Variants in ADGRF5 observed in about 807,000 individuals in gnomAD.
ADGRF5 encodes the protein adhesion G protein-coupled receptor F5, also known as G-protein coupled receptor 116.
A neutral mutation model predicts 132.3 loss-of-function variants in ADGRF5; 75 were observed. The ratio of observed to expected loss-of-function variants is 0.57; its 90% CI spans 0.47 to 0.69. ADGRF5 has a LOEUF of 0.69. Ranked by LOEUF, ADGRF5 falls within the 30% of genes least tolerant of loss-of-function variation. The probability of loss-of-function intolerance (pLI) is 0.00; values close to 1 mark genes in which losing one functional copy is unlikely to be tolerated. For missense variants in ADGRF5, 1,516 were observed against 1,630.6 expected, an observed-to-expected ratio of 0.93 and a Z score of 1.21; for synonymous variants, 629 against 597.6, an observed-to-expected ratio of 1.05 and a Z score of -0.77.
upstream of ADGRF5, among the ~76,000 whole-genome samples, chr6:46,922,776 G>A (rs547370904): frequency 5.9e-5 from 9 of 152,278 alleles, no homozygotes; most frequent in South Asian, 2.1e-4. Flanking sequence ...TAAGTGCTTC[G>A]GGTGAGTCCC....
intron 10 of ADGRF5, among the ~76,000 whole-genome samples, chr6:46,877,966 TC>T (rs1272749007): frequency 2.0e-5 from 3 of 152,192 alleles, no homozygotes; most frequent in Non-Finnish European, 2.9e-5. Flanking sequence ...TCTTGGGTCT[TC>T]TGCTGCTGGG....
At chr6:46,933,588 T>C (rs1243968442) in intron 1 of ADGRF5, among the ~76,000 whole-genome samples, 2 of 152,218 alleles carry the variant, frequency 1.3e-5, no homozygotes, top group Admixed American at 6.5e-5. Flanking sequence ...CTTTCTAGCC[T>C]GAGCTTTCTA....
chr6:46,885,531 C>T (rs1438764744), intron 4 of ADGRF5, among the ~76,000 whole-genome samples: 2 of 152,136 alleles, frequency 1.3e-5, no homozygotes, highest in Non-Finnish European at 2.9e-5. Context: ...TGATGGAAGC[C>T]CCAGTGAGGA....
At chr6:46,887,571 T>A (rs538278949) in intron 4 of ADGRF5, among the ~76,000 whole-genome samples, 1 of 152,220 alleles carries the variant, frequency 6.6e-6, no homozygotes, top group East Asian at 1.9e-4. Context: ...TTAAAATGCA[T>A]GTACCGACAT....
intron 14 of ADGRF5, 130 bp downstream of exon 14, chr6:46,864,912 T>C (rs1190648548): frequency 3.2e-6 from 2 of 633,850 alleles, no homozygotes; most frequent in Non-Finnish European, 5.5e-6. Context: ...ACCACTATGG[T>C]GAGCCCAGGG....
intron 15 of ADGRF5, 27 bp downstream of exon 15, chr6:46,862,861 G>A (rs1769948937): frequency 6.7e-7 from 1 of 1,483,156 alleles, no homozygotes; most frequent in Admixed American, 1.7e-5. Context: ...CCCACCAAGA[G>A]CTCAGAGTGG....
chr6:46,881,888 A>G (rs892391037), intron 7 of ADGRF5, among the ~76,000 whole-genome samples, 161 bp downstream of exon 7: 1 of 152,110 alleles, frequency 6.6e-6, no homozygotes, highest in Admixed American at 6.5e-5. Context: ...CTTTCTTTTA[A>G]ACAGGTACAT....
At chr6:46,941,511 A>G (rs924125124) in intron 1 of ADGRF5, among the ~76,000 whole-genome samples, 10 of 152,064 alleles carry the variant, frequency 6.6e-5, no homozygotes, top group Non-Finnish European at 4.4e-5. Context: ...AGGCAGGCAA[A>G]TTCTAGAGCC....
At position 46,881,480 on chromosome 6, in the gene ADGRF5, G is replaced by T. The variant is rs1772458023; in HGVS notation, c.789C>A (p.Tyr263Ter). 2 of 1,613,212 alleles carry T rather than the reference G, an allele frequency of 1.2e-6. No homozygotes were observed. Among genetic ancestry groups the T allele is most frequent in the Non-Finnish European group, 1.7e-6 (2 of 1,179,300 alleles). The change falls in exon 8 of 21, where the codon TAC becomes TAA. Residue 263 changes from tyrosine to a stop codon, truncating the protein, a stop_gained. Coordinates refer to ENST00000283296, the MANE Select transcript of ADGRF5 (RefSeq NM_001098518.2). LOFTEE classifies it high-confidence loss of function. ...TGATAGTAACTGCTTGAAAGGAGTTGTAGTCCATTTTGTAGGTCTGATTGA... is the reference window on the plus strand; with the variant it reads ...TGATAGTAACTGCTTGAAAGGAGTTTTAGTCCATTTTGTAGGTCTGATTGA... Reference protein sequence around the residue: ...QSLNQTYKMDYNSFQAVTINE... With the variant: ...QSLNQTYKMD
chr6:46,888,225 G>A (rs1287722798), intron 4 of ADGRF5, 110 bp downstream of exon 4: 3 of 741,692 alleles, frequency 4.0e-6, no homozygotes, highest in Non-Finnish European at 6.9e-6. Flanking sequence ...GTCTCGGTGA[G>A]TCATTTCACT....
intron 9 of ADGRF5, among the ~76,000 whole-genome samples, chr6:46,878,737 T>C (rs1251095328): frequency 1.3e-5 from 2 of 152,204 alleles, no homozygotes; most frequent in East Asian, 3.8e-4. Context: ...AATATTGCCG[T>C]AGTATTTAAC....
At chr6:46,891,633 G>T (rs1273153769) in intron 3 of ADGRF5, among the ~76,000 whole-genome samples, 1 of 152,170 alleles carries the variant, frequency 6.6e-6, no homozygotes, top group Non-Finnish European at 1.5e-5. Context: ...AAATATCAAT[G>T]CCTGCCTGAG....
At chr6:46,917,031 C>T (rs1776477232) in intron 1 of ADGRF5, among the ~76,000 whole-genome samples, 2 of 152,236 alleles carry the variant, frequency 1.3e-5, no homozygotes, top group Admixed American at 6.5e-5. Context: ...TTGGTAACAA[C>T]AATTACTATA....
chr6:46,910,836 G>C (rs1381986849), intron 1 of ADGRF5, among the ~76,000 whole-genome samples: 1 of 152,118 alleles, frequency 6.6e-6, no homozygotes, highest in African/African-American at 2.4e-5. Flanking sequence ...TTATCTCTCT[G>C]AGCCTGTTTT....
In ADGRF5 at chr6:46,884,310, G is replaced by A. The variant is rs1402675964; in HGVS notation, c.329-39C>T. 2.6e-6 allele frequency: 4 copies of A among 1,529,094 alleles called. No homozygotes were observed. In the Admixed American group the frequency reaches 5.2e-5, roughly 20 times the overall value. 94.7% of individuals were successfully genotyped at this position (1,529,094 alleles called of 1,614,324 possible). A position where few individuals can be genotyped will look rare whatever the true frequency, so the allele number is the denominator to read the frequency against. ...GAACAGCAAGGAGAGAGAAGGTGGA[G>A]AAGGTGGTCACCATATTTGTATTTA... On this transcript the variant is annotated intron_variant, in intron 4 of 20. Coordinates refer to ENST00000283296, the MANE Select transcript of ADGRF5 (RefSeq NM_001098518.2).
At chr6:46,896,354 A>C (rs576732227) in intron 3 of ADGRF5, among the ~76,000 whole-genome samples, 3 of 151,994 alleles carry the variant, frequency 2.0e-5, no homozygotes, top group African/African-American at 7.3e-5. Flanking sequence ...TCTAGGTTTC[A>C]TGCAGGCTTC....
Position 46,921,485 on chromosome 6 carries a change from C to T in ADGRF5, c.-25+228G>A, listed in dbSNP as rs75931846. Among the ~76,000 whole-genome samples the T allele has an allele frequency of 8.8e-3, 1,346 of 152,148 alleles. 20 individuals are homozygous for T. Among genetic ancestry groups the T allele is most frequent in the African/African-American group, 0.03 (1,249 of 41,488 alleles). ...AAGGATCCCAGCTAGTTGCTTGATA[C>T]GCCATCTCCTTTAATATAGTCTCAT... is the stretch of plus-strand genomic sequence containing the variant. On this transcript the variant is annotated intron_variant, in intron 1 of 20. Transcript: ENST00000283296.
chr6:46,937,789 T>A (rs150809941), intron 1 of ADGRF5, among the ~76,000 whole-genome samples: 1 of 152,268 alleles, frequency 6.6e-6, no homozygotes, highest in African/African-American at 2.4e-5. Flanking sequence ...ATCTTGACAG[T>A]CGATTTGATA....
intron 3 of ADGRF5, among the ~76,000 whole-genome samples, chr6:46,889,775 T>A (rs1045734098): frequency 5.5e-5 from 5 of 90,408 alleles, no homozygotes; most frequent in Admixed American, 1.1e-4. Flanking sequence ...ATATTATGTG[T>A]GTGTGTATAT....
Sources: gnomAD v4.1 joint callset for allele counts (sites outside exome capture counted in the v4.1 genomes callset) on GRCh38, gnomAD v4.1.1 for gene constraint, MANE v1.5 for transcripts, NCBI Gene and HGNC (gene_info 2026-07-23, HGNC 2026-07-21) for gene names.